SKOR2: variants seen among roughly 807,000 people sequenced by gnomAD.
SKOR2 encodes the protein SKI family transcriptional corepressor 2, also known as LBX1 corepressor 1-like protein.
A neutral mutation model predicts 69.1 loss-of-function variants in SKOR2; 47 were observed. That is an observed-to-expected ratio of 0.68 (90% CI 0.54 to 0.87). The LOEUF (loss-of-function observed/expected upper bound fraction) is 0.87, where lower values mean the gene tolerates loss of function less well. Ranked by LOEUF, SKOR2 falls within the 40% of genes least tolerant of loss-of-function variation. The probability of loss-of-function intolerance (pLI) is 0.00; values close to 1 mark genes in which losing one functional copy is unlikely to be tolerated. For synonymous variants in SKOR2, 717 were observed against 672.6 expected, an observed-to-expected ratio of 1.07 and a Z score of -1.02; for missense variants, 1,404 against 1,472.2, an observed-to-expected ratio of 0.95 and a Z score of 0.76.
intron 4 of SKOR2, 121 bp from the exon 5 acceptor site, chr18:47,231,121 C>A: frequency 6.5e-7 from 1 of 1,535,996 alleles, no homozygotes; most frequent in South Asian, 1.2e-5. Context: ...AATTGGAAGT[C>A]CTCATAACCA....
rs141768436 is a variant in SKOR2 at position 47,241,746 on chromosome 18, A to G, written c.2752+3162T>C. Among the ~76,000 whole-genome samples, 1,040 of 152,284 alleles carry G rather than the reference A, an allele frequency of 6.8e-3. 10 individuals are homozygous for G. The highest frequency in any genetic ancestry group is 0.01 in the Non-Finnish European group (699 of 67,992). ...TTGCTTATTTTGATAATATATTTTT[A>G]TCCCTTCCATGTTTCACCTGTCTCC... On this transcript the variant is annotated intron_variant, in intron 4 of 8. Transcript: ENST00000425639.
In SKOR2 at chr18:47,246,584, G is replaced by C. The variant is rs1175964203; in HGVS notation, c.2600C>G (p.Pro867Arg). The change falls in exon 2 of 9, where the codon CCC becomes CGC. Residue 867 changes from proline to arginine, a missense_variant. Transcript: ENST00000425639. ...PVHHPSLEEQ[P>R]SYKDSQKTKE... is the part of the protein sequence containing the mutation. ...GGGGATATTTACATCTTTGTAGGAG[G>C]GCTGCTCCTCCAGTGATGGATGGTG... is the stretch of plus-strand genomic sequence containing the variant. The C allele has an allele frequency of 1.3e-6, 2 of 1,518,156 alleles. No homozygotes were observed. The highest frequency in any genetic ancestry group is 1.4e-5 in the African/African-American group (1 of 70,220). 94.0% of individuals were successfully genotyped at this position (1,518,156 alleles called of 1,614,324 possible).
chr18:47,247,280 C>T lies in SKOR2; in HGVS notation c.1904G>A (p.Ser635Asn), dbSNP rs1229225621. The change falls in exon 2 of 9, where the codon AGC (serine) becomes AAC (asparagine). Residue 635 changes from serine to asparagine, a missense_variant. By Grantham distance (46) the Ser-to-Asn change is conservative. Coordinates refer to ENST00000425639, the MANE Select transcript of SKOR2 (RefSeq NM_001278063.4). The surrounding 1 kb of genome is among the most constrained non-coding windows in gnomAD (Gnocchi z 6.6). ...CGACGCCCCGTGCAGCTTGGCCAGG[C>T]TCTCCGCGTCGTCCTTGCCGCCCAC... ...RPVGGKDDAE[S>N]LAKLHGASAG... The T allele has an allele frequency of 2.7e-6, 4 of 1,482,432 alleles. No individual in the cohort carries two copies. The highest frequency in any genetic ancestry group is 3.6e-6 in the Non-Finnish European group (4 of 1,122,284). The allele number at this position is 1,482,432 out of a possible 1,614,324, so 91.8% of individuals were successfully genotyped here.
At chr18:47,228,679 T>C (rs2064187044) in intron 6 of SKOR2, among the ~76,000 whole-genome samples, 2 of 152,212 alleles carry the variant, frequency 1.3e-5, no homozygotes, top group African/African-American at 4.8e-5. Flanking sequence ...ACGTATTCAA[T>C]GCCTCTCATT....
At position 47,248,681 on chromosome 18, in the gene SKOR2, C is replaced by G; in HGVS notation, c.503G>C (p.Arg168Pro). 1 of 1,566,086 alleles carries G rather than the reference C, an allele frequency of 6.4e-7. No individual in the cohort carries two copies. The highest frequency in any genetic ancestry group is 8.6e-7 in the Non-Finnish European group (1 of 1,161,938). The change falls in exon 2 of 9, where the codon CGC becomes CCC. Residue 168 changes from arginine to proline, a missense_variant. Arg to Pro is a moderately radical substitution (Grantham distance 103). Transcript: ENST00000425639. The surrounding 1 kb of genome is among the most constrained non-coding windows in gnomAD (Gnocchi z 6.4). The part of the protein sequence containing the change: ...SFIPARYNSS[R>P]AKCIKCSYCN... Reference sequence around the variant, plus strand: ...GTAGCTGCATTTGATGCACTTGGCGCGCGAGCTGTTGTAGCGCGCGGGAAT... The same window carrying G: ...GTAGCTGCATTTGATGCACTTGGCGGGCGAGCTGTTGTAGCGCGCGGGAAT...
chr18:47,210,531 A>C (rs1224370385), intron 8 of SKOR2, among the ~76,000 whole-genome samples: 1 of 152,248 alleles, frequency 6.6e-6, no homozygotes, highest in Non-Finnish European at 1.5e-5. Context: ...GGAGTTTATC[A>C]GAATTAATTT....
chr18:47,215,836 G>C (rs1251630668), intron 7 of SKOR2, among the ~76,000 whole-genome samples: 1 of 152,138 alleles, frequency 6.6e-6, no homozygotes. Context: ...CATTTATCAT[G>C]TGCTCTGTGT....
intron 4 of SKOR2, among the ~76,000 whole-genome samples, chr18:47,239,347 GA>G (rs970099563): frequency 6.9e-6 from 1 of 145,712 alleles, no homozygotes; most frequent in Non-Finnish European, 1.5e-5. Flanking sequence ...GAACAGAAAA[GA>G]AAAAAAAATC....
intron 8 of SKOR2, among the ~76,000 whole-genome samples, chr18:47,208,550 T>C (rs2064119285): frequency 6.6e-6 from 1 of 152,188 alleles, no homozygotes; most frequent in African/African-American, 2.4e-5. Flanking sequence ...CTGCAAAATG[T>C]TTAAATGTGT....
intron 7 of SKOR2, among the ~76,000 whole-genome samples, chr18:47,213,272 T>G (rs184436397): frequency 4.0e-4 from 60 of 151,678 alleles, no homozygotes; most frequent in African/African-American, 1.3e-3. Context: ...AGAATGAATA[T>G]TCACCCTTCT....
chr18:47,248,519 T>C lies in SKOR2; in HGVS notation c.665A>G (p.Asp222Gly). The change falls in exon 2 of 9, where the codon GAC becomes GGC. Residue 222 changes from aspartate to glycine, a missense_variant. By Grantham distance (94) the Asp-to-Gly change is moderately conservative. Around this residue, in one of 3 missense-constraint regions of SKOR2, gnomAD observed 1,266 missense variants for 1,309.9 expected, o/e 0.97. Coordinates refer to ENST00000425639, the MANE Select transcript of SKOR2 (RefSeq NM_001278063.4). The surrounding 1 kb of genome is among the most constrained non-coding windows in gnomAD (Gnocchi z 6.4). Reference protein sequence around the residue: ...HLKLTDKSPQDELVFAWEDVK... With the variant: ...HLKLTDKSPQGELVFAWEDVK... ...GTCCTCCCAGGCGAAGACCAGCTCG[T>C]CCTGGGGACTCTTGTCGGTGAGCTT... 1 of 1,537,018 alleles carries C rather than the reference T, an allele frequency of 6.5e-7. No individual in the cohort carries two copies. Among genetic ancestry groups the C allele is most frequent in the Non-Finnish European group, 8.7e-7 (1 of 1,146,838 alleles).
At chr18:47,250,702 G>C (rs1301286119) in intron 1 of SKOR2, among the ~76,000 whole-genome samples, 1 of 152,160 alleles carries the variant, frequency 6.6e-6, no homozygotes, top group Non-Finnish European at 1.5e-5. Flanking sequence ...ATTACATTTG[G>C]CGGCCTCCAG....
At chr18:47,221,567 T>C (rs2144486816) in intron 6 of SKOR2, among the ~76,000 whole-genome samples, 1 of 152,370 alleles carries the variant, frequency 6.6e-6, no homozygotes, top group Non-Finnish European at 1.5e-5. Flanking sequence ...GCTGTGGTCT[T>C]GCCCTTGCAG....
chr18:47,238,228 C>T (rs1385889415), intron 4 of SKOR2, among the ~76,000 whole-genome samples: 3 of 151,250 alleles, frequency 2.0e-5, no homozygotes, highest in Non-Finnish European at 4.4e-5. Flanking sequence ...TGTCTGTCCA[C>T]AGAGGAAGTC....
intron 8 of SKOR2, among the ~76,000 whole-genome samples, chr18:47,210,984 G>T (rs1211919985): frequency 1.3e-5 from 2 of 152,162 alleles, no homozygotes. Flanking sequence ...AGACTGTTTT[G>T]TAAAGGGTTT....
chr18:47,230,569 A>T lies in SKOR2; in HGVS notation c.2819-12T>A, dbSNP rs1395473632. The T allele has an allele frequency of 7.2e-7, 1 of 1,381,186 alleles. No individual in the cohort carries two copies. Among genetic ancestry groups the T allele is most frequent in the Non-Finnish European group, 9.4e-7 (1 of 1,065,628 alleles). The allele number at this position is 1,381,186 out of a possible 1,614,324, so 85.6% of individuals were successfully genotyped here. A position where few individuals can be genotyped will look rare whatever the true frequency, so the allele number is the denominator to read the frequency against. On this transcript the variant is annotated splice_polypyrimidine_tract_variant and intron_variant, in intron 5 of 8. Transcript: ENST00000425639. ...CTTCTGAAGTTCTTCTAATAAAAAA[A>T]AGAAGAGTCATTTTACTAATCTTTA... is the stretch of plus-strand genomic sequence containing the variant.
At chr18:47,239,266 C>G (rs372799413) in intron 4 of SKOR2, among the ~76,000 whole-genome samples, 5 of 152,022 alleles carry the variant, frequency 3.3e-5, no homozygotes, top group Admixed American at 2.6e-4. Context: ...ATATAGACTT[C>G]TAATTTCTTG....
Position 47,248,177 on chromosome 18 carries a change from A to G in SKOR2, c.1007T>C (p.Leu336Pro). ...AASLSAAAASLSVAAASGGAG... is the reference protein window; with the variant it reads ...AASLSAAAASPSVAAASGGAG... ...GCCGCCCGAAGCAGCAGCCACAGAGAGGCTGGCGGCTGCGGCCGAGAGGCT... is the reference window on the plus strand; with the variant it reads ...GCCGCCCGAAGCAGCAGCCACAGAGGGGCTGGCGGCTGCGGCCGAGAGGCT... The change falls in exon 2 of 9, where the codon CTC (leucine) becomes CCC (proline). Residue 336 changes from leucine (L) to proline (P), a missense_variant. Leu to Pro is a moderately conservative substitution (Grantham distance 98). Transcript: ENST00000425639. The surrounding 1 kb of genome is among the most constrained non-coding windows in gnomAD (Gnocchi z 6.4). The G allele has an allele frequency of 8.1e-7, 1 of 1,235,988 alleles. No individual in the cohort carries two copies. The highest frequency in any genetic ancestry group is 1.0e-6 in the Non-Finnish European group (1 of 993,036). The allele number at this position is 1,235,988 out of a possible 1,614,324, so 76.6% of individuals were successfully genotyped here.
intron 6 of SKOR2, among the ~76,000 whole-genome samples, chr18:47,228,691 G>C (rs540643938): frequency 6.6e-6 from 1 of 152,218 alleles, no homozygotes; most frequent in South Asian, 2.1e-4. Flanking sequence ...CCTCTCATTG[G>C]GGGCAAGGAA....
Sources: gnomAD v4.1 joint callset for allele counts (sites outside exome capture counted in the v4.1 genomes callset) on GRCh38, gnomAD v4.1.1 for gene constraint, gnomAD v4.1.1 regional missense constraint, Gnocchi (gnomAD v3.1) non-coding constraint, MANE v1.5 for transcripts, NCBI Gene and HGNC (gene_info 2026-07-23, HGNC 2026-07-21) for gene names.